The following MTUS2 variants were observed in gnomAD, a reference collection of about 807,000 sequenced individuals.
The protein encoded by MTUS2 is microtubule-associated tumor suppressor candidate 2.
Under a neutral mutation model 114.1 loss-of-function variants are expected in MTUS2, and 40 were observed. The observed-to-expected ratio is 0.35, with a 90% confidence interval of 0.27 to 0.46. MTUS2 has a LOEUF of 0.46. MTUS2 is among the 20% of genes least tolerant of loss of function. The pLI, the probability that MTUS2 is intolerant of heterozygous loss-of-function variation, is 1.00. For synonymous variants in MTUS2, 688 were observed against 672.0 expected, an observed-to-expected ratio of 1.02 and a Z score of -0.37; for missense variants, 1,679 against 1,705.4, an observed-to-expected ratio of 0.98 and a Z score of 0.27.
chr13:29,263,852 G>A (rs1305458591), intron 5 of MTUS2, among the ~76,000 whole-genome samples: 9 of 152,108 alleles, frequency 5.9e-5, no homozygotes, highest in African/African-American at 1.9e-4. Flanking sequence ...CATGAGATTT[G>A]GTGGGGACAC....
At chr13:28,901,663 A>G (rs183604585) in intron 2 of MTUS2, among the ~76,000 whole-genome samples, 1 of 152,138 alleles carries the variant, frequency 6.6e-6, no homozygotes, top group African/African-American at 2.4e-5. Flanking sequence ...AATATTAGTT[A>G]GGCATATTTT....
At chr13:28,860,716 GGC>G (rs1876923723) in intron 2 of MTUS2, among the ~76,000 whole-genome samples, 1 of 152,140 alleles carries the variant, frequency 6.6e-6, no homozygotes, top group African/African-American at 2.4e-5. Context: ...GAGGAACTAG[GGC>G]AAGTCATTCT....
intron 2 of MTUS2, among the ~76,000 whole-genome samples, chr13:28,841,495 G>A (rs985228419): frequency 1.3e-5 from 2 of 152,128 alleles, no homozygotes; most frequent in Non-Finnish European, 1.5e-5. Flanking sequence ...CCACTGTGGC[G>A]CTGAAGACAC....
intron 2 of MTUS2, among the ~76,000 whole-genome samples, chr13:28,978,321 A>G (rs1324295775): frequency 6.6e-6 from 1 of 152,146 alleles, no homozygotes; most frequent in Non-Finnish European, 1.5e-5. Context: ...CTAAGCCTTG[A>G]CCCTTCACTT....
At chr13:29,470,465 C>T (rs1310675225) in intron 9 of MTUS2, among the ~76,000 whole-genome samples, 1 of 152,188 alleles carries the variant, frequency 6.6e-6, no homozygotes, top group Non-Finnish European at 1.5e-5. Flanking sequence ...ATGCATCCCC[C>T]ATCAATCCAT....
chr13:29,022,165 TA>T (rs1886319035), intron 2 of MTUS2, among the ~76,000 whole-genome samples: 1 of 152,080 alleles, frequency 6.6e-6, no homozygotes, highest in African/African-American at 2.4e-5. Flanking sequence ...AGGCAAATTT[TA>T]AAAAATGGAA....
chr13:28,852,057 C>T (rs1045005285), intron 2 of MTUS2, among the ~76,000 whole-genome samples: 7 of 152,142 alleles, frequency 4.6e-5, no homozygotes, highest in African/African-American at 1.7e-4. Context: ...GTTCTTAGAC[C>T]TTCAGTCACT....
chr13:28,952,162 A>G (rs970946418), intron 2 of MTUS2, among the ~76,000 whole-genome samples: 3 of 152,228 alleles, frequency 2.0e-5, no homozygotes, highest in African/African-American at 7.2e-5. Flanking sequence ...AGTAATATAT[A>G]TTTGCTTTAC....
chr13:29,388,327 T>G (rs555270479), intron 8 of MTUS2, among the ~76,000 whole-genome samples: 11 of 152,106 alleles, frequency 7.2e-5, no homozygotes, highest in African/African-American at 2.7e-4. Flanking sequence ...TTTTGTCGTT[T>G]ACCTGATTAA....
chr13:29,030,535 A>G lies in MTUS2; in HGVS notation c.2206-3350A>G, dbSNP rs573134396. Reference sequence around the variant, plus strand: ...ACAGGCTGGTCCTTGGCCACCTGCTACAGCTATGACATGATGTAACCCAGC... The same window carrying G: ...ACAGGCTGGTCCTTGGCCACCTGCTGCAGCTATGACATGATGTAACCCAGC... On this transcript the variant is annotated intron_variant, in intron 3 of 15. Transcript: ENST00000612955. Among the ~76,000 whole-genome samples the G allele has an allele frequency of 4.6e-5, 7 of 152,242 alleles. No individual in the cohort carries two copies. The South Asian group carries it at 1.5e-3, about 32-fold the overall frequency.
chr13:29,327,148 GTAAA>G (rs1900555112), intron 7 of MTUS2, among the ~76,000 whole-genome samples: 1 of 36,112 alleles, frequency 2.8e-5, no homozygotes, highest in Non-Finnish European at 1.3e-4. Flanking sequence ...AAATGTATAA[GTAAA>G]AGGATGGAAA....
intron 8 of MTUS2, among the ~76,000 whole-genome samples, chr13:29,370,936 A>G (rs1164612482): frequency 6.6e-6 from 1 of 152,220 alleles, no homozygotes; most frequent in African/African-American, 2.4e-5. Context: ...ATAAAGAGGG[A>G]CACATAATGA....
At chr13:29,029,253 A>T (rs1164399330) in intron 3 of MTUS2, among the ~76,000 whole-genome samples, 2 of 152,152 alleles carry the variant, frequency 1.3e-5, no homozygotes, top group African/African-American at 4.8e-5. Context: ...TCAGCTTGGC[A>T]GGGGTTTGTC....
chr13:29,162,220 A>G (rs1462886175), intron 5 of MTUS2, among the ~76,000 whole-genome samples: 2 of 152,124 alleles, frequency 1.3e-5, no homozygotes, highest in South Asian at 2.1e-4. Flanking sequence ...ACTTGATAAC[A>G]TCTGCAGAGA....
intron 2 of MTUS2, among the ~76,000 whole-genome samples, chr13:28,939,296 G>T (rs113059041): frequency 0.024 from 3,656 of 152,202 alleles, 138 homozygotes; most frequent in African/African-American, 0.081. Context: ...ACTGCAGAAC[G>T]TTTTTAGTGT....
intron 5 of MTUS2, among the ~76,000 whole-genome samples, chr13:29,179,920 T>A (rs1195991788): frequency 6.6e-6 from 1 of 152,220 alleles, no homozygotes; most frequent in Non-Finnish European, 1.5e-5. Flanking sequence ...CTAGTAACAG[T>A]TGTTGTGTTC....
intron 5 of MTUS2, among the ~76,000 whole-genome samples, chr13:29,230,707 G>C (rs527752226): frequency 1.1e-3 from 166 of 152,264 alleles, no homozygotes; most frequent in African/African-American, 3.8e-3. Context: ...AAGAGTTAAG[G>C]CTTCAACTTC....
intron 9 of MTUS2, among the ~76,000 whole-genome samples, chr13:29,443,679 G>A (rs1359352965): frequency 3.3e-5 from 5 of 152,224 alleles, no homozygotes; most frequent in African/African-American, 7.2e-5. Flanking sequence ...ACTGTCAACC[G>A]TAAAGCGCAT....
chr13:28,926,691 T>C (rs1360783632), intron 2 of MTUS2, among the ~76,000 whole-genome samples: 3 of 152,240 alleles, frequency 2.0e-5, no homozygotes, highest in South Asian at 2.1e-4. Context: ...TTGTGCATTC[T>C]GATTTCATCT....
Sources: allele counts gnomAD v4.1 joint callset (sites outside exome capture counted in the v4.1 genomes callset), GRCh38; gene constraint gnomAD v4.1.1; transcripts MANE v1.5; gene names NCBI Gene and HGNC (gene_info 2026-07-23, HGNC 2026-07-21).